Variants in METTL15 observed in about 807,000 individuals in gnomAD.
METTL15 encodes 12S rRNA N(4)-cytidine methyltransferase METTL15.
Under a neutral mutation model 38.3 loss-of-function variants are expected in METTL15, and 34 were observed. That is an observed-to-expected ratio of 0.89 (90% CI 0.68 to 1.18). The LOEUF (loss-of-function observed/expected upper bound fraction) is 1.18. METTL15 is among the 50% of genes most tolerant of loss of function. The probability of loss-of-function intolerance (pLI) is 0.00; values close to 1 mark genes in which losing one functional copy is unlikely to be tolerated. For missense variants in METTL15, 438 were observed against 498.4 expected, an observed-to-expected ratio of 0.88 and a Z score of 1.15; for synonymous variants, 162 against 170.9, an observed-to-expected ratio of 0.95 and a Z score of 0.41.
chr11:28,139,228 G>A (rs1056218445), intron 3 of METTL15, among the ~76,000 whole-genome samples: 4 of 152,154 alleles, frequency 2.6e-5, no homozygotes, highest in African/African-American at 7.2e-5. Flanking sequence ...TTACCCATCT[G>A]TGAAGAGAGG....
Position 28,243,702 on chromosome 11 carries a change from C to T in METTL15, c.407+32504C>T, listed in dbSNP as rs182782435. ...ATGACAAATCATCAATTTTACTGAT[C>T]GTTGAAAACTCATCTTAACTATGCA... On this transcript the variant is annotated intron_variant, in intron 4 of 6. Coordinates refer to ENST00000407364, the MANE Select transcript of METTL15 (RefSeq NM_001113528.2). Among the ~76,000 whole-genome samples, 8 of 152,150 alleles carry T rather than the reference C, an allele frequency of 5.3e-5. No individual in the cohort carries two copies. The East Asian group carries it at 1.5e-3, about 29-fold the overall frequency.
chr11:28,201,223 A>G lies in METTL15; in HGVS notation c.271-9839A>G, dbSNP rs539671163. Among the ~76,000 whole-genome samples the G allele has an allele frequency of 5.9e-5, 9 of 152,220 alleles. No homozygotes were observed. The South Asian group carries it at 1.9e-3, about 32-fold the overall frequency. Reference sequence around the variant, plus strand: ...TGATGGATTATGTTGAACCAGCCTTACATCCCAGGGATGAAGCCAACTTGA... The same window carrying G: ...TGATGGATTATGTTGAACCAGCCTTGCATCCCAGGGATGAAGCCAACTTGA... On this transcript the variant is annotated intron_variant, in intron 3 of 6. Coordinates refer to ENST00000407364, the MANE Select transcript of METTL15 (RefSeq NM_001113528.2).
At chr11:28,453,863 G>T (rs924742650) in intron 6 of METTL15, among the ~76,000 whole-genome samples, 32 of 152,314 alleles carry the variant, frequency 2.1e-4, no homozygotes, top group Admixed American at 1.7e-3. Flanking sequence ...TGTTTGGTTG[G>T]TTGGTTGGTT....
chr11:28,516,588 TG>T (rs776838471), intron 6 of METTL15, among the ~76,000 whole-genome samples: 1 of 152,172 alleles, frequency 6.6e-6, no homozygotes, highest in Non-Finnish European at 1.5e-5. Context: ...TGCTTGGCAG[TG>T]GGGATACTGA....
At chr11:28,182,630 A>C (rs1211421435) in intron 3 of METTL15, among the ~76,000 whole-genome samples, 2 of 151,686 alleles carry the variant, frequency 1.3e-5, no homozygotes, top group Non-Finnish European at 2.9e-5. Flanking sequence ...TGTTTTGGTA[A>C]CAGTTCCATG....
chr11:28,284,310 A>G (rs903001738), intron 4 of METTL15, among the ~76,000 whole-genome samples: 2 of 152,154 alleles, frequency 1.3e-5, no homozygotes, highest in South Asian at 4.1e-4. Flanking sequence ...CTATATGAAT[A>G]TTTTCTGTTA....
At chr11:28,388,539 G>A (rs1158827630) in intron 5 of METTL15, among the ~76,000 whole-genome samples, 1 of 152,108 alleles carries the variant, frequency 6.6e-6, no homozygotes, top group Non-Finnish European at 1.5e-5. Flanking sequence ...ACAAAACGTT[G>A]CTGAAAGCAA....
chr11:28,412,829 A>G (rs1850740531), intron 5 of METTL15, among the ~76,000 whole-genome samples: 1 of 152,024 alleles, frequency 6.6e-6, no homozygotes, highest in Non-Finnish European at 1.5e-5. Flanking sequence ...AAAGTACAAC[A>G]TGAGGACTCA....
chr11:28,510,528 A>G (rs1309895652), intron 6 of METTL15, among the ~76,000 whole-genome samples: 1 of 152,204 alleles, frequency 6.6e-6, no homozygotes, highest in Non-Finnish European at 1.5e-5. Context: ...AATAAAATAA[A>G]CATTAATGTT....
intron 3 of METTL15, among the ~76,000 whole-genome samples, chr11:28,154,234 T>C (rs1050304026): frequency 6.6e-6 from 1 of 152,144 alleles, no homozygotes; most frequent in Non-Finnish European, 1.5e-5. Context: ...TCTTTCTCTT[T>C]CTTGTTACTT....
At chr11:28,139,594 A>G (rs550112661) in intron 3 of METTL15, among the ~76,000 whole-genome samples, 1 of 152,210 alleles carries the variant, frequency 6.6e-6, no homozygotes, top group South Asian at 2.1e-4. Context: ...TGTGCCATGG[A>G]TGCTAGCATG....
chr11:28,148,605 C>T (rs1223129918), intron 3 of METTL15, among the ~76,000 whole-genome samples: 1 of 151,944 alleles, frequency 6.6e-6, no homozygotes, highest in Non-Finnish European at 1.5e-5. Flanking sequence ...CTACTTTTAG[C>T]ACTTTACAAG....
chr11:28,311,675 T>C (rs556995548), intron 6 of METTL15, among the ~76,000 whole-genome samples: 11 of 152,384 alleles, frequency 7.2e-5, no homozygotes, highest in Admixed American at 1.3e-4. Flanking sequence ...TGAATCTATT[T>C]CTTCATCTGC....
At chr11:28,434,083 C>T (rs1268675185) in intron 6 of METTL15, among the ~76,000 whole-genome samples, 1 of 152,050 alleles carries the variant, frequency 6.6e-6, no homozygotes, top group Non-Finnish European at 1.5e-5. Context: ...CCCCACATGT[C>T]GTGGGGAGGA....
At chr11:28,271,951 A>G (rs1213769775) in intron 4 of METTL15, among the ~76,000 whole-genome samples, 1 of 152,272 alleles carries the variant, frequency 6.6e-6, no homozygotes, top group East Asian at 1.9e-4. Context: ...CGTGGTCAAC[A>G]AACATGAAAA....
rs548704007 is a variant in METTL15, at chr11:28,217,380, G to A, written c.407+6182G>A. On this transcript the variant is annotated intron_variant, in intron 4 of 6. Transcript: ENST00000407364. ...GTCTTCTTTTGAGAAGTGTCTGTTC[G>A]TATCCTTTGCCCACTTGTTGAAGGG... Among the ~76,000 whole-genome samples the A allele has an allele frequency of 2.0e-4, 31 of 152,226 alleles. No homozygotes were observed. The South Asian group carries it at 5.4e-3, about 26-fold the overall frequency.
At chr11:28,323,632 A>G (rs1220297097) in intron 6 of METTL15, among the ~76,000 whole-genome samples, 1 of 152,140 alleles carries the variant, frequency 6.6e-6, no homozygotes, top group African/African-American at 2.4e-5. Context: ...TGCATGATTA[A>G]TTTTTGTATT....
chr11:28,313,514 T>C (rs562777709), intron 6 of METTL15, among the ~76,000 whole-genome samples: 25 of 152,058 alleles, frequency 1.6e-4, no homozygotes, highest in Admixed American at 7.9e-4. Flanking sequence ...AAAAGTATCT[T>C]TGTTTATATG....
intron 6 of METTL15, among the ~76,000 whole-genome samples, chr11:28,526,214 G>C: frequency 6.6e-6 from 1 of 152,332 alleles, no homozygotes; most frequent in Middle Eastern, 3.4e-3. Flanking sequence ...GCCTCAACCA[G>C]CCCAGAGAGG....
Sources: gnomAD v4.1 joint callset for allele counts (sites outside exome capture counted in the v4.1 genomes callset) on GRCh38, gnomAD v4.1.1 for gene constraint, MANE v1.5 for transcripts, NCBI Gene and HGNC (gene_info 2026-07-23, HGNC 2026-07-21) for gene names.